Variants in SLC6A9 observed in about 807,000 individuals in gnomAD.
SLC6A9 encodes sodium- and chloride-dependent glycine transporter 1.
A neutral mutation model predicts 70.9 loss-of-function variants in SLC6A9; 31 were observed. The ratio of observed to expected loss-of-function variants is 0.44; its 90% CI spans 0.33 to 0.59. The LOEUF is 0.59. Among genes scored for constraint, SLC6A9 ranks in the 20% least tolerant of loss-of-function variants. The pLI, the probability that SLC6A9 is intolerant of heterozygous loss-of-function variation, is 0.04. For missense variants in SLC6A9, 631 were observed against 845.2 expected (o/e 0.75, Z 3.14); for synonymous variants, 310 against 341.3 (o/e 0.91, Z 1.01).
chr1:44,027,617 T>C (rs1159952688), intron 1 of SLC6A9, among the ~76,000 whole-genome samples: 2 of 152,162 alleles, frequency 1.3e-5, no homozygotes, highest in African/African-American at 4.8e-5. Flanking sequence ...AACTCAAAGG[T>C]ATCTGCACTC....
In SLC6A9 at chr1:44,002,974, A is replaced by G; in HGVS notation, c.602T>C (p.Leu201Pro). Reference protein sequence around the residue: ...PSEEYWRLYVLKLSDDIGNFG... With the variant: ...PSEEYWRLYVPKLSDDIGNFG... ...GTTCCCAATGTCATCTGACAGCTTC[A>G]GCACGTACAGCCTGGGAAGGGGAGA... The change falls in exon 6 of 14, where the codon CTG becomes CCG. Residue 201 changes from leucine (L) to proline (P), a missense_variant. Coordinates refer to ENST00000372310, the MANE Select transcript of SLC6A9 (RefSeq NM_001024845.3). The surrounding 1 kb of genome is among the most constrained non-coding windows in gnomAD (Gnocchi z 5.5). 1.2e-6 allele frequency: 2 copies of G among 1,614,126 alleles called. No individual in the cohort carries two copies. The highest frequency in any genetic ancestry group is 1.7e-6 in the Non-Finnish European group (2 of 1,179,992).
intron 2 of SLC6A9, 56 bp downstream of exon 2, chr1:44,024,192 C>A: frequency 6.3e-7 from 1 of 1,577,800 alleles, no homozygotes; most frequent in Non-Finnish European, 8.7e-7. Context: ...GCAGGAGGTC[C>A]TGGGGGCAGG....
chr1:44,017,164 G>C (rs771441088), intron 2 of SLC6A9: 1 of 1,603,262 alleles, frequency 6.2e-7, no homozygotes, highest in East Asian at 2.3e-5. Flanking sequence ...GCGCGACACT[G>C]ACGCATCCCC....
chr1:44,029,380 G>A (rs913392293), intron 1 of SLC6A9, among the ~76,000 whole-genome samples: 5 of 152,182 alleles, frequency 3.3e-5, no homozygotes, highest in African/African-American at 1.2e-4. Context: ...GTTCTACCTG[G>A]GAGCCCAGGT....
At chr1:44,014,235 G>T (rs993204536) in intron 2 of SLC6A9, among the ~76,000 whole-genome samples, 4 of 151,980 alleles carry the variant, frequency 2.6e-5, no homozygotes, top group African/African-American at 9.7e-5. Context: ...TCTTCTGCAG[G>T]CTCCCTAGGC....
chr1:44,023,332 G>C (rs574751156), intron 2 of SLC6A9, among the ~76,000 whole-genome samples: 1 of 152,196 alleles, frequency 6.6e-6, no homozygotes, highest in South Asian at 2.1e-4. Flanking sequence ...ATCCATCAGC[G>C]AGTCTTGCTC....
rs193921002 is a variant in SLC6A9, at chr1:44,008,366, C to T, written c.577G>A (p.Glu193Lys). ...NHSLQRTSPS[E>K]EYWRLYVLKL... ...CAGGTGCCTCACCTCCAGTACTCCT[C>T]GCTGGGGCTGGTCCTCTGGAGGCTG... The change falls in exon 5 of 14, where the codon GAG becomes AAG. Residue 193 changes from glutamate to lysine, a missense_variant. Transcript: ENST00000372310. The T allele has an allele frequency of 6.2e-6, 10 of 1,613,960 alleles. No homozygotes were observed. Among genetic ancestry groups the T allele is most frequent in the Middle Eastern group, 3.3e-4 (2 of 6,074 alleles).
rs189620705 is a variant in SLC6A9, at chr1:44,026,203, G to A, written c.-85-1841C>T. 3.1e-3 allele frequency among the ~76,000 whole-genome samples: 476 copies of A among 152,344 alleles called. 1 individual carries two copies. Among genetic ancestry groups the A allele is most frequent in the African/African-American group, 0.011 (453 of 41,568 alleles). ...TCTTCTGGGGGCAAGTAGGGGAAGC[G>A]CGGGTGTGCTCCCTTAAAAGTAGAT... is the stretch of plus-strand genomic sequence containing the variant. On this transcript the variant is annotated intron_variant, in intron 1 of 13. Transcript: ENST00000372310.
At chr1:44,026,668 AAAG>A (rs1331702833) in intron 1 of SLC6A9, among the ~76,000 whole-genome samples, 6 of 152,096 alleles carry the variant, frequency 3.9e-5, no homozygotes, top group Admixed American at 2.6e-4. Context: ...AAAAAAAAAA[AAAG>A]AGCCACAAAA....
chr1:44,021,458 CA>C (rs2086882625), intron 2 of SLC6A9, among the ~76,000 whole-genome samples: 1 of 152,162 alleles, frequency 6.6e-6, no homozygotes, highest in Non-Finnish European at 1.5e-5. Flanking sequence ...TAGCATCCAG[CA>C]GAAGCTCCAA....
chr1:44,009,755 G>A (rs2086478378), intron 4 of SLC6A9, among the ~76,000 whole-genome samples: 1 of 152,236 alleles, frequency 6.6e-6, no homozygotes, highest in Admixed American at 6.5e-5. Flanking sequence ...GGAGTTTTGT[G>A]TGTACACGTG....
In SLC6A9 at chr1:43,997,481, G is replaced by T; in HGVS notation, c.*64C>A. ...GGGCAGGCAGAGACACCTGGCCTCT[G>T]CCTCACCAGTCTCTGCGGTGGGAGC... is the stretch of plus-strand genomic sequence containing the variant. On this transcript the variant is annotated 3_prime_UTR_variant, in exon 14 of 14. Transcript: ENST00000372310. The surrounding 1 kb of genome is among the most constrained non-coding windows in gnomAD (Gnocchi z 4.4). The T allele has an allele frequency of 1.4e-6, 2 of 1,472,924 alleles. No homozygotes were observed. Among genetic ancestry groups the T allele is most frequent in the Non-Finnish European group, 9.4e-7 (1 of 1,062,756 alleles). The allele number at this position is 1,472,924 out of a possible 1,614,324, so 91.2% of individuals were successfully genotyped here. A position where few individuals can be genotyped will look rare whatever the true frequency, so the allele number is the denominator to read the frequency against.
At chr1:43,999,544 C>T (rs562694279) in intron 12 of SLC6A9, among the ~76,000 whole-genome samples, 20 of 152,162 alleles carry the variant, frequency 1.3e-4, no homozygotes, top group Middle Eastern at 3.4e-3. Flanking sequence ...GCCATAGCCC[C>T]AGAAGGCATG....
chr1:44,009,943 G>A (rs201937296), intron 4 of SLC6A9, 22 bp downstream of exon 4: 27 of 1,611,946 alleles, frequency 1.7e-5, no homozygotes, highest in Admixed American at 5.0e-5. Context: ...ATGTGTGAGC[G>A]AGTGCCCCGC....
At chr1:44,001,927 G>A (rs2086125293) in intron 8 of SLC6A9, among the ~76,000 whole-genome samples, 1 of 152,000 alleles carries the variant, frequency 6.6e-6, no homozygotes, top group South Asian at 2.1e-4. Flanking sequence ...AGAAAGATGG[G>A]GTCTCACTAT....
chr1:44,017,400 C>A (rs1375102955), intron 2 of SLC6A9: 4 of 1,163,078 alleles, frequency 3.4e-6, no homozygotes, highest in Non-Finnish European at 4.4e-6. Context: ...CACACACACA[C>A]ACACACACAG....
chr1:44,016,293 T>C (rs2154306758), intron 2 of SLC6A9: 1 of 152,840 alleles, frequency 6.5e-6, no homozygotes, highest in Admixed American at 6.5e-5. Flanking sequence ...GAAAGTGGCT[T>C]TGGTTCTTGA....
intron 5 of SLC6A9, 75 bp from the exon 6 acceptor site, chr1:44,003,060 C>T (rs1321485106): frequency 1.9e-6 from 3 of 1,567,366 alleles, no homozygotes; most frequent in East Asian, 4.5e-5. Context: ...CCAGGGCCCA[C>T]CCGGGCTGTA....
At chr1:44,010,203 AG>A in intron 3 of SLC6A9, 107 bp from the exon 4 acceptor site, 1 of 1,261,644 alleles carries the variant, frequency 7.9e-7, no homozygotes, top group Non-Finnish European at 1.1e-6. Context: ...GGTAGGACCC[AG>A]GGAGGAGTGT....
Sources: gnomAD v4.1 joint callset for allele counts (sites outside exome capture counted in the v4.1 genomes callset) on GRCh38, gnomAD v4.1.1 for gene constraint, Gnocchi (gnomAD v3.1) non-coding constraint, MANE v1.5 for transcripts, NCBI Gene and HGNC (gene_info 2026-07-23, HGNC 2026-07-21) for gene names.